The following DLC1 variants were observed in gnomAD, a reference collection of about 807,000 sequenced individuals.
DLC1 encodes rho GTPase-activating protein 7.
DLC1 carries 54 observed loss-of-function variants against 140.3 expected under a neutral mutation model. The observed-to-expected ratio is 0.38, with a 90% confidence interval of 0.31 to 0.48. The LOEUF is 0.48. Among genes scored for constraint, DLC1 ranks in the 20% least tolerant of loss-of-function variants. The pLI, the probability that DLC1 is intolerant of heterozygous loss-of-function variation, is 0.96. For missense variants in DLC1, 2,536 were observed against 1,907.0 expected (o/e 1.33, Z -6.14); for synonymous variants, 986 against 728.1 (o/e 1.35, Z -5.70).
chr8:13,221,932 A>G (rs935494697), intron 5 of DLC1, among the ~76,000 whole-genome samples: 7 of 145,168 alleles, frequency 4.8e-5, no homozygotes, highest in African/African-American at 1.7e-4. Context: ...AAAGTTATAT[A>G]TAATATATAA....
At chr8:13,240,759 T>A (rs1829511921) in intron 5 of DLC1, among the ~76,000 whole-genome samples, 1 of 152,206 alleles carries the variant, frequency 6.6e-6, no homozygotes, top group Non-Finnish European at 1.5e-5. Context: ...AAGGTAACTT[T>A]CACTGCCTAA....
In DLC1 at chr8:13,406,181, G is replaced by GTTTTTTT. The variant is rs77753653; in HGVS notation, c.1024-4569_1024-4563dup. Among the ~76,000 whole-genome samples the GTTTTTTT allele has an allele frequency of 8.7e-4, 74 of 84,952 alleles. 7 individuals carry two copies. Among genetic ancestry groups the GTTTTTTT allele is most frequent in the African/African-American group, 2.7e-3 (56 of 21,050 alleles). The allele number at this position is 84,952 out of a possible 152,430, so 55.7% of individuals were successfully genotyped here. A position where few individuals can be genotyped will look rare whatever the true frequency, so the allele number is the denominator to read the frequency against. Reference sequence around the variant, plus strand: ...GCCACCATCCCCAGCTAATTTTTGTGTTTTTTTTTTTTTTTTTCAGTGGAG... The same window carrying GTTTTTTT: ...GCCACCATCCCCAGCTAATTTTTGTGTTTTTTTTTTTTTTTTTTTTTTTTCAGTGGAG... On this transcript the variant is annotated intron_variant, in intron 2 of 17. Coordinates refer to ENST00000276297, the MANE Select transcript of DLC1 (RefSeq NM_182643.3).
At chr8:13,363,513 T>A (rs1344533490) in intron 4 of DLC1, among the ~76,000 whole-genome samples, 1 of 152,112 alleles carries the variant, frequency 6.6e-6, no homozygotes, top group Non-Finnish European at 1.5e-5. Flanking sequence ...TGAACCTAGC[T>A]CTTTTTCCAA....
intron 4 of DLC1, among the ~76,000 whole-genome samples, chr8:13,376,465 C>A (rs1000333862): frequency 6.6e-6 from 1 of 152,110 alleles, no homozygotes; most frequent in Non-Finnish European, 1.5e-5. Flanking sequence ...AGGTGTAGAA[C>A]CCCCTCCTCT....
chr8:13,340,673 C>T (rs901196876), intron 4 of DLC1: 6 of 152,196 alleles, frequency 3.9e-5, no homozygotes, highest in African/African-American at 1.4e-4. Context: ...GCTGATTCTT[C>T]AAAACGTTAA....
At chr8:13,102,898 T>C in intron 7 of DLC1, 45 bp from the exon 8 acceptor site, 1 of 1,508,744 alleles carries the variant, frequency 6.6e-7, no homozygotes, top group Non-Finnish European at 9.2e-7. Flanking sequence ...GCAACCACTC[T>C]CTAATGAGTG....
chr8:13,261,226 G>C, intron 5 of DLC1, among the ~76,000 whole-genome samples: 1 of 152,186 alleles, frequency 6.6e-6, no homozygotes, highest in East Asian at 1.9e-4. Context: ...CCTCTCAGTA[G>C]AGGTAACATT....
At chr8:13,146,355 CT>C (rs963273632) in intron 5 of DLC1, among the ~76,000 whole-genome samples, 31 of 150,260 alleles carry the variant, frequency 2.1e-4, no homozygotes, top group East Asian at 5.8e-4. Flanking sequence ...TAAAAGGACT[CT>C]TTTTTTTTAA....
chr8:13,293,806 C>T (rs2117472397), intron 5 of DLC1, among the ~76,000 whole-genome samples: 1 of 152,076 alleles, frequency 6.6e-6, no homozygotes. Flanking sequence ...GAGAAATTGT[C>T]ATCTACGTGT....
At chr8:13,286,303 C>G (rs111354514) in intron 5 of DLC1, among the ~76,000 whole-genome samples, 1 of 151,980 alleles carries the variant, frequency 6.6e-6, no homozygotes, top group Non-Finnish European at 1.5e-5. Flanking sequence ...AAAAAAATTG[C>G]TGTTTAAGGA....
chr8:13,106,721 T>G (rs1347224615), intron 7 of DLC1, among the ~76,000 whole-genome samples: 3 of 152,256 alleles, frequency 2.0e-5, no homozygotes, highest in African/African-American at 7.2e-5. Flanking sequence ...CTCAGGCATC[T>G]GATGGACTGC....
At chr8:13,582,692 A>C (rs1011219259) in intron 1 of DLC1, among the ~76,000 whole-genome samples, 1 of 151,376 alleles carries the variant, frequency 6.6e-6, no homozygotes, top group Non-Finnish European at 1.5e-5. Context: ...TTCCATATAT[A>C]TATATATTTT....
chr8:13,089,037 T>C (rs2128927661), intron 15 of DLC1, among the ~76,000 whole-genome samples: 1 of 151,544 alleles, frequency 6.6e-6, no homozygotes, highest in Non-Finnish European at 1.5e-5. Context: ...GGCGGGTGGA[T>C]CATCTGAGGT....
At chr8:13,446,460 G>C (rs77443342) in intron 2 of DLC1, among the ~76,000 whole-genome samples, 1 of 152,056 alleles carries the variant, frequency 6.6e-6, no homozygotes, top group Admixed American at 6.6e-5. Context: ...ATGGGCCTGG[G>C]CTTGTTATTT....
Position 13,219,877 on chromosome 8 carries a change from T to C in DLC1, c.1348+85392A>G, listed in dbSNP as rs148019657. On this transcript the variant is annotated intron_variant, in intron 5 of 17. Coordinates refer to ENST00000276297, the MANE Select transcript of DLC1 (RefSeq NM_182643.3). ...GAAGTACTGATACATGCTACACACA[T>C]GGATGAATTGAGACCATTATAGCAA... Among the ~76,000 whole-genome samples, 783 of 152,226 alleles carry C rather than the reference T, an allele frequency of 5.1e-3. 9 individuals are homozygous for C. The highest frequency in any genetic ancestry group is 0.018 in the African/African-American group (732 of 41,542).
At chr8:13,133,805 G>C (rs527314647) in intron 5 of DLC1, among the ~76,000 whole-genome samples, 4 of 152,092 alleles carry the variant, frequency 2.6e-5, no homozygotes, top group Non-Finnish European at 5.9e-5. Context: ...TGCGGGAACG[G>C]AGGGGAAGCG....
intron 2 of DLC1, among the ~76,000 whole-genome samples, chr8:13,467,058 C>T (rs550272137): frequency 6.6e-6 from 1 of 152,286 alleles, no homozygotes; most frequent in Non-Finnish European, 1.5e-5. Context: ...TGATTTCCTA[C>T]ACCAATGAAT....
At chr8:13,363,566 G>A (rs1835343294) in intron 4 of DLC1, among the ~76,000 whole-genome samples, 1 of 151,990 alleles carries the variant, frequency 6.6e-6, no homozygotes, top group Admixed American at 6.6e-5. Flanking sequence ...TGAGAGAGGT[G>A]AAGAGCAAAT....
intron 5 of DLC1, among the ~76,000 whole-genome samples, chr8:13,212,351 T>C (rs112145924): frequency 8.8e-4 from 134 of 152,322 alleles, no homozygotes; most frequent in African/African-American, 2.8e-3. Flanking sequence ...TGCTTTTGTT[T>C]TGTTTTGTTT....
Sources: gnomAD v4.1 joint callset for allele counts (sites outside exome capture counted in the v4.1 genomes callset) on GRCh38, gnomAD v4.1.1 for gene constraint, MANE v1.5 for transcripts, NCBI Gene and HGNC (gene_info 2026-07-23, HGNC 2026-07-21) for gene names.